The following TNPO3 variants were observed in gnomAD, a reference collection of about 807,000 sequenced individuals.
TNPO3 encodes transportin 3.
In TNPO3, 65 loss-of-function variants were observed where a neutral mutation model predicts 122.8. That is an observed-to-expected ratio of 0.53 (90% confidence interval 0.43 to 0.65). TNPO3 has a LOEUF of 0.65. Ranked by LOEUF, TNPO3 falls within the 30% of genes least tolerant of loss-of-function variation. TNPO3 has a pLI of 0.00. For missense variants in TNPO3, 850 were observed against 1,136.7 expected (o/e 0.75, Z 3.63); for synonymous variants, 372 against 411.2 (o/e 0.90, Z 1.15).
chr7:128,983,878 G>C (rs556290258), intron 13 of TNPO3, among the ~76,000 whole-genome samples: 1 of 152,248 alleles, frequency 6.6e-6, no homozygotes, highest in Non-Finnish European at 1.5e-5. Context: ...AGAACTCCTC[G>C]AGACTGGGTT....
chr7:128,972,374 GAGAT>G, intron 19 of TNPO3, 48 bp downstream of exon 19: 5 of 1,557,854 alleles, frequency 3.2e-6, no homozygotes, highest in Non-Finnish European at 4.4e-6. Context: ...GAATGACAAA[GAGAT>G]AGGAGATAAA....
intron 12 of TNPO3, among the ~76,000 whole-genome samples, chr7:128,985,687 C>T (rs1300135867): frequency 6.6e-6 from 1 of 152,166 alleles, no homozygotes; most frequent in African/African-American, 2.4e-5. Context: ...ACAGGTTAGA[C>T]CTCACTTCAA....
Position 128,967,350 on chromosome 7 carries a change from TTG to T in TNPO3, c.2639_2640del (p.Pro880GlnfsTer24). On this transcript the variant is annotated frameshift_variant, in exon 21 of 23. Coordinates refer to ENST00000265388, the MANE Select transcript of TNPO3 (RefSeq NM_012470.4). LOFTEE classifies it high-confidence loss of function. The part of the protein sequence containing the change: ...RWLENSLKGL[P>X]KETTVGAVTV... Reference sequence around the variant, plus strand: ...GTGACGGCTCCCACGGTTGTTTCCTTTGGCAAACCTTTTAAGGAATTTTCTAA... The same window carrying T: ...GTGACGGCTCCCACGGTTGTTTCCTTGCAAACCTTTTAAGGAATTTTCTAA... 1 of 1,614,064 alleles carries T rather than the reference TTG, an allele frequency of 6.2e-7. No individual in the cohort carries two copies. The highest frequency in any genetic ancestry group is 8.5e-7 in the Non-Finnish European group (1 of 1,179,912).
chr7:129,036,712 G>GA (rs1037873927), intron 1 of TNPO3, among the ~76,000 whole-genome samples: 12 of 152,064 alleles, frequency 7.9e-5, no homozygotes, highest in Admixed American at 2.6e-4. Context: ...AATAAAGTTG[G>GA]AAAAAATGAA....
At chr7:128,959,409 G>A (rs984856749) in intron 21 of TNPO3, among the ~76,000 whole-genome samples, 1 of 152,180 alleles carries the variant, frequency 6.6e-6, no homozygotes, top group Non-Finnish European at 1.5e-5. Context: ...GTGTTGCCCA[G>A]GCTGCTCGAA....
chr7:129,047,885 C>G (rs997405623), intron 1 of TNPO3, among the ~76,000 whole-genome samples: 1 of 152,190 alleles, frequency 6.6e-6, no homozygotes, highest in Non-Finnish European at 1.5e-5. Context: ...AAAACCACCA[C>G]ACACATTACT....
At chr7:129,002,680 A>G (rs575969913) in intron 5 of TNPO3, among the ~76,000 whole-genome samples, 1 of 152,254 alleles carries the variant, frequency 6.6e-6, no homozygotes, top group African/African-American at 2.4e-5. Context: ...GCACTTTGGG[A>G]GGCCAAGGTG....
chr7:129,027,378 T>C (rs1372913097), intron 1 of TNPO3, among the ~76,000 whole-genome samples: 1 of 151,572 alleles, frequency 6.6e-6, no homozygotes, highest in East Asian at 1.9e-4. Flanking sequence ...CTGACTAATA[T>C]GGTGAAACCC....
At chr7:129,028,874 G>T in intron 1 of TNPO3, 1 of 288,056 alleles carries the variant, frequency 3.5e-6, no homozygotes, top group South Asian at 3.5e-5. Flanking sequence ...TTGTGTTTCA[G>T]AGGAACATCA....
Position 128,962,041 on chromosome 7 carries a change from C to T in TNPO3, c.2712-4726G>A, listed in dbSNP as rs576396724. Among the ~76,000 whole-genome samples, 169 of 152,306 alleles carry T rather than the reference C, an allele frequency of 1.1e-3. 2 individuals are homozygous for T. Among genetic ancestry groups the T allele is most frequent in the African/African-American group, 3.8e-3 (158 of 41,574 alleles). The stretch of plus-strand genomic sequence containing the variant: ...AGAATGTTATTTTAGACTGAAACGT[C>T]CCAGCTTTCTTCAAGTTGACCAACT... On this transcript the variant is annotated intron_variant, in intron 21 of 22. Coordinates refer to ENST00000265388, the MANE Select transcript of TNPO3 (RefSeq NM_012470.4).
intron 11 of TNPO3, among the ~76,000 whole-genome samples, chr7:128,989,744 A>G (rs1800552799): frequency 1.3e-5 from 2 of 152,204 alleles, no homozygotes; most frequent in Admixed American, 6.5e-5. Context: ...CTGTTTCCCT[A>G]TCTGTAGATC....
At position 128,968,894 on chromosome 7, in the gene TNPO3, T is replaced by A. The variant is rs527348095; in HGVS notation, c.2598+1254A>T. Among the ~76,000 whole-genome samples the A allele has an allele frequency of 4.9e-3, 712 of 146,210 alleles. 7 individuals are homozygous for A. Among genetic ancestry groups the A allele is most frequent in the Non-Finnish European group, 5.6e-3 (365 of 65,084 alleles). On this transcript the variant is annotated intron_variant, in intron 20 of 22. Transcript: ENST00000265388. Reference sequence around the variant, plus strand: ...CCCAGCTAATTAAAAAGAAAAAAAATTTTTTTTTTTTTTGTAGGGATGGGG... The same window carrying A: ...CCCAGCTAATTAAAAAGAAAAAAAAATTTTTTTTTTTTTGTAGGGATGGGG...
chr7:128,975,847 C>G lies in TNPO3; in HGVS notation c.2150G>C (p.Cys717Ser), dbSNP rs777315589. Residue 717 changes from cysteine (C) to serine (S), a missense_variant, in exon 17 of 23, where the codon TGT (cysteine) becomes TCT (serine). Cys to Ser is a moderately radical substitution (Grantham distance 112, BLOSUM62 -1). Coordinates refer to ENST00000265388, the MANE Select transcript of TNPO3 (RefSeq NM_012470.4). ...LVDEYGMEEG[C>S]RQGLLDMLQA... ...GAGCATGTCTAGCAGTCCCTGCCGA[C>G]AGCCTTCTTCCATGCCATATTCATC... 1 of 1,613,822 alleles carries G rather than the reference C, an allele frequency of 6.2e-7. No individual in the cohort carries two copies. The highest frequency in any genetic ancestry group is 2.2e-5 in the East Asian group (1 of 44,882).
At position 128,970,642 on chromosome 7, in the gene TNPO3, T is replaced by G. The variant is rs185131997; in HGVS notation, c.2431-327A>C. Reference sequence around the variant, plus strand: ...ATTAAAGTTAGCAATTTTTAAAATTTTTTTCTCTTCATCTTCTATGTGATG... The same window carrying G: ...ATTAAAGTTAGCAATTTTTAAAATTGTTTTCTCTTCATCTTCTATGTGATG... On this transcript the variant is annotated intron_variant, in intron 19 of 22. Coordinates refer to ENST00000265388, the MANE Select transcript of TNPO3 (RefSeq NM_012470.4). 4 of 170,908 alleles carry G rather than the reference T, an allele frequency of 2.3e-5. No individual in the cohort carries two copies. The Admixed American group carries it at 2.4e-4, about 10-fold the overall frequency. 10.6% of individuals were successfully genotyped at this position (170,908 alleles called of 1,614,324 possible).
intron 16 of TNPO3, among the ~76,000 whole-genome samples, chr7:128,976,819 G>A (rs1799105159): frequency 6.6e-6 from 1 of 152,076 alleles, no homozygotes; most frequent in Admixed American, 6.5e-5. Context: ...TTCTTCTGTT[G>A]GCATATGCCA....
chr7:128,981,617 T>A (rs1316497405), intron 14 of TNPO3, among the ~76,000 whole-genome samples: 1 of 152,092 alleles, frequency 6.6e-6, no homozygotes, highest in East Asian at 1.9e-4. Context: ...TAGCAATCTG[T>A]GTTTTGATAA....
In TNPO3 at chr7:129,054,920, G is replaced by T; in HGVS notation, c.-150C>A. 9.5e-7 allele frequency: 1 copy of T among 1,057,130 alleles called. No homozygotes were observed. The highest frequency in any genetic ancestry group is 1.4e-6 in the Non-Finnish European group (1 of 737,312). 65.5% of individuals were successfully genotyped at this position (1,057,130 alleles called of 1,614,324 possible). ...CTCTTTGGCCGTTACCAGGGCAGAA[G>T]GCTCTCCGTGGAAGTTGCCCCCTCG... On this transcript the variant is annotated 5_prime_UTR_variant, in exon 1 of 23. Coordinates refer to ENST00000265388, the MANE Select transcript of TNPO3 (RefSeq NM_012470.4).
At chr7:129,051,458 C>T (rs1808756782) in intron 1 of TNPO3, among the ~76,000 whole-genome samples, 1 of 151,770 alleles carries the variant, frequency 6.6e-6, no homozygotes, top group African/African-American at 2.4e-5. Flanking sequence ...AAGGGATCCT[C>T]CTGAGTAGCT....
At chr7:129,043,861 G>A (rs986710327) in intron 1 of TNPO3, among the ~76,000 whole-genome samples, 4 of 152,198 alleles carry the variant, frequency 2.6e-5, no homozygotes, top group Admixed American at 2.0e-4. Flanking sequence ...CATTTCATTT[G>A]AAACAAATGG....
Sources: allele counts gnomAD v4.1 joint callset (sites outside exome capture counted in the v4.1 genomes callset), GRCh38; gene constraint gnomAD v4.1.1; transcripts MANE v1.5; gene names NCBI Gene and HGNC (gene_info 2026-07-23, HGNC 2026-07-21).